The following EPHA5 variants were observed in gnomAD, a reference collection of about 807,000 sequenced individuals.
The protein encoded by EPHA5 is EPH receptor A5.
Under a neutral mutation model 105.0 loss-of-function variants are expected in EPHA5, and 60 were observed. That is an observed-to-expected ratio of 0.57 (90% confidence interval 0.46 to 0.71). The LOEUF (loss-of-function observed/expected upper bound fraction) is 0.71, where lower values mean the gene tolerates loss of function less well. Among genes scored for constraint, EPHA5 ranks in the 30% least tolerant of loss-of-function variants. EPHA5 has a pLI of 0.00. For synonymous variants in EPHA5, 513 were observed against 449.1 expected (o/e 1.14, Z -1.80); for missense variants, 1,218 against 1,274.7 (o/e 0.96, Z 0.68).
chr4:65,323,277 A>T lies in EPHA5; in HGVS notation c.*837T>A, dbSNP rs1719781116. 1 of 229,258 alleles carries T rather than the reference A, an allele frequency of 4.4e-6. No individual in the cohort carries two copies. The highest frequency in any genetic ancestry group is 2.2e-5 in the African/African-American group (1 of 45,036). 14.2% of individuals were successfully genotyped at this position (229,258 alleles called of 1,614,324 possible). ...TTAAATTTTGTTTTACTGCTTCCCT[A>T]TTTCTCCTATTCATATTACATTCTG... On this transcript the variant is annotated 3_prime_UTR_variant, in exon 17 of 17. Coordinates refer to ENST00000613740, the MANE Select transcript of EPHA5 (RefSeq NM_001281766.3).
chr4:65,339,924 T>C (rs531947254), intron 14 of EPHA5, among the ~76,000 whole-genome samples: 9 of 152,178 alleles, frequency 5.9e-5, no homozygotes, highest in Non-Finnish European at 1.2e-4. Flanking sequence ...GGCTGTGAGT[T>C]GATATATTTG....
intron 3 of EPHA5, among the ~76,000 whole-genome samples, chr4:65,555,463 G>A (rs1738336520): frequency 1.3e-5 from 2 of 151,580 alleles, no homozygotes; most frequent in Admixed American, 6.6e-5. Context: ...CTTAATACCT[G>A]GATGATGAAA....
intron 12 of EPHA5, among the ~76,000 whole-genome samples, chr4:65,352,632 T>C (rs779090638): frequency 6.6e-6 from 1 of 151,946 alleles, no homozygotes; most frequent in African/African-American, 2.4e-5. Flanking sequence ...CCTTTATTAA[T>C]GACTTGCCTG....
chr4:65,493,755 C>T (rs1731650185), intron 4 of EPHA5, among the ~76,000 whole-genome samples: 1 of 151,848 alleles, frequency 6.6e-6, no homozygotes, highest in African/African-American at 2.4e-5. Context: ...CACCAAAGTA[C>T]AGCTTCCCCC....
chr4:65,533,218 T>C (rs1447495532), intron 3 of EPHA5, among the ~76,000 whole-genome samples: 1 of 152,178 alleles, frequency 6.6e-6, no homozygotes, highest in Non-Finnish European at 1.5e-5. Flanking sequence ...GCTTGCTGCT[T>C]AAGGCTTAAG....
intron 8 of EPHA5, among the ~76,000 whole-genome samples, chr4:65,402,151 G>A (rs1035474134): frequency 6.6e-6 from 1 of 151,972 alleles, no homozygotes; most frequent in Non-Finnish European, 1.5e-5. Flanking sequence ...TCCCCTTTCA[G>A]CACTTCTCCT....
intron 16 of EPHA5, chr4:65,330,644 GA>G (rs1186709258): frequency 1.6e-6 from 1 of 612,334 alleles, no homozygotes; most frequent in African/African-American, 2.0e-5. Context: ...AATATAAAAT[GA>G]CAAATGACTT....
chr4:65,645,077 A>AT (rs1191381021), intron 1 of EPHA5, among the ~76,000 whole-genome samples: 1 of 152,096 alleles, frequency 6.6e-6, no homozygotes, highest in African/African-American at 2.4e-5. Flanking sequence ...AACTGTTCTA[A>AT]TACCCACTGA....
chr4:65,426,414 G>T lies in EPHA5; in HGVS notation c.1403-5849C>A, dbSNP rs368531342. On this transcript the variant is annotated intron_variant, in intron 5 of 16. Transcript: ENST00000613740. ...GTCATATTTTCAGAATTAACTTCCT[G>T]ACTGATTGACCATTTGTTAATTTCT... 2.5e-4 allele frequency among the ~76,000 whole-genome samples: 38 copies of T among 152,190 alleles called. No individual in the cohort carries two copies. The South Asian group carries it at 7.5e-3, about 30-fold the overall frequency.
At chr4:65,478,059 A>T (rs1419687484) in intron 5 of EPHA5, among the ~76,000 whole-genome samples, 1 of 152,218 alleles carries the variant, frequency 6.6e-6, no homozygotes. Flanking sequence ...TATTAATTGG[A>T]TTAGAATCCC....
intron 5 of EPHA5, among the ~76,000 whole-genome samples, chr4:65,485,750 T>A (rs1730821048): frequency 6.6e-6 from 1 of 152,134 alleles, no homozygotes; most frequent in African/African-American, 2.4e-5. Flanking sequence ...AATACATTGT[T>A]GGAATGCAGA....
chr4:65,579,956 A>C (rs372789303), intron 3 of EPHA5, among the ~76,000 whole-genome samples: 14 of 152,108 alleles, frequency 9.2e-5, no homozygotes, highest in Middle Eastern at 3.4e-3. Flanking sequence ...CTATCATGCG[A>C]AATTTAATAG....
rs765191223 is a variant in EPHA5, at chr4:65,404,360, G to T, written c.1793+14C>A. Reference sequence around the variant, plus strand: ...TCAGCTGCAGAACTTCAGAATCACAGCTTCCTCTCTTACCTTCCACTGAGG... The same window carrying T: ...TCAGCTGCAGAACTTCAGAATCACATCTTCCTCTCTTACCTTCCACTGAGG... On this transcript the variant is annotated intron_variant, in intron 8 of 16. Transcript: ENST00000613740. 1 of 1,606,484 alleles carries T rather than the reference G, an allele frequency of 6.2e-7. No homozygotes were observed. The highest frequency in any genetic ancestry group is 1.7e-5 in the Admixed American group (1 of 59,892).
chr4:65,460,720 T>C (rs984851739), intron 5 of EPHA5, among the ~76,000 whole-genome samples: 1 of 151,756 alleles, frequency 6.6e-6, no homozygotes, highest in East Asian at 1.9e-4. Flanking sequence ...GTATTTGACA[T>C]TTGGGAATTA....
intron 3 of EPHA5, among the ~76,000 whole-genome samples, chr4:65,507,958 G>C (rs1733232595): frequency 6.6e-6 from 1 of 151,926 alleles, no homozygotes; most frequent in Non-Finnish European, 1.5e-5. Context: ...ATATAGGCAA[G>C]CATAATTTTT....
chr4:65,391,869 T>G (rs531347211), intron 8 of EPHA5, among the ~76,000 whole-genome samples: 1 of 152,202 alleles, frequency 6.6e-6, no homozygotes, highest in Non-Finnish European at 1.5e-5. Context: ...GATTCTTTAC[T>G]TAAATAATTT....
chr4:65,519,009 C>T (rs1365197912), intron 3 of EPHA5, among the ~76,000 whole-genome samples: 1 of 151,790 alleles, frequency 6.6e-6, no homozygotes, highest in Non-Finnish European at 1.5e-5. Flanking sequence ...AGAGACACAA[C>T]CAAAAAAGAG....
At chr4:65,577,357 A>AT (rs1415209107) in intron 3 of EPHA5, among the ~76,000 whole-genome samples, 3 of 152,188 alleles carry the variant, frequency 2.0e-5, no homozygotes, top group African/African-American at 7.2e-5. Flanking sequence ...TTTCCAGGTG[A>AT]TTATTAGGCA....
In EPHA5 at chr4:65,322,557, GCTCAGT is replaced by G. The variant is rs1719719431; in HGVS notation, c.*1551_*1556del. 1 of 224,498 alleles carries G rather than the reference GCTCAGT, an allele frequency of 4.5e-6. No individual in the cohort carries two copies. Among genetic ancestry groups the G allele is most frequent in the Non-Finnish European group, 8.9e-6 (1 of 112,648 alleles). 13.9% of individuals were successfully genotyped at this position (224,498 alleles called of 1,614,324 possible). On this transcript the variant is annotated 3_prime_UTR_variant, in exon 17 of 17. Transcript: ENST00000613740. The stretch of plus-strand genomic sequence containing the variant: ...TACAAAAATGTTGGTTATCTCAGGA[GCTCAGT>G]TTTGGACAATTTCTAATACACTGCA...
Sources: allele counts gnomAD v4.1 joint callset (sites outside exome capture counted in the v4.1 genomes callset), GRCh38; gene constraint gnomAD v4.1.1; transcripts MANE v1.5; gene names NCBI Gene and HGNC (gene_info 2026-07-23, HGNC 2026-07-21).